TET2: variants seen among roughly 807,000 people sequenced by gnomAD.
The protein encoded by TET2 is tet methylcytosine dioxygenase 2.
Under a neutral mutation model 142.9 loss-of-function variants are expected in TET2, and 299 were observed. That is an observed-to-expected ratio of 2.09 (90% CI 1.90 to 2.30). The LOEUF (loss-of-function observed/expected upper bound fraction) is 2.30. Among genes scored for constraint, TET2 ranks in the 30% most tolerant of loss-of-function variants. The pLI, the probability that TET2 is intolerant of heterozygous loss-of-function variation, is 0.00. For synonymous variants in TET2, 819 were observed against 849.0 expected, an observed-to-expected ratio of 0.96 and a Z score of 0.61; for missense variants, 2,418 against 2,378.0, an observed-to-expected ratio of 1.02 and a Z score of -0.35.
chr4:105,194,692 T>C (rs1401020790), intron 2 of TET2, among the ~76,000 whole-genome samples: 1 of 152,184 alleles, frequency 6.6e-6, no homozygotes, highest in Admixed American at 6.5e-5. Context: ...ACCTTAGAGA[T>C]CATAATACAG....
At position 105,234,710 on chromosome 4, in the gene TET2, T is replaced by A; in HGVS notation, c.768T>A (p.Ala256=). The change falls in exon 3 of 11, where the codon GCT becomes GCA. Residue 256 remains alanine, a synonymous_variant. Transcript: ENST00000380013. ...TSHINAINSQ[A]TNELSCEITH... is the part of the protein sequence containing the mutation. ...ACATAAATGCCATTAACAGTCAGGC[T>A]ACTAATGAGTTGTCCTGTGAGATCA... The A allele has an allele frequency of 1.2e-6, 2 of 1,614,104 alleles. No homozygotes were observed. The highest frequency in any genetic ancestry group is 1.7e-6 in the Non-Finnish European group (2 of 1,180,020).
intron 7 of TET2, 26 bp downstream of exon 7, chr4:105,259,795 C>T (rs369415952): frequency 4.5e-6 from 7 of 1,542,220 alleles, no homozygotes; most frequent in African/African-American, 4.1e-5. Context: ...GATGTATAAT[C>T]GCTTTATTTT....
intron 9 of TET2, 75 bp downstream of exon 9, chr4:105,269,822 G>T (rs1348264476): frequency 6.8e-7 from 1 of 1,467,744 alleles, no homozygotes; most frequent in Non-Finnish European, 9.3e-7. Flanking sequence ...ATGCAAGACT[G>T]GGTAATTTAT....
At chr4:105,194,364 T>C (rs1020215840) in intron 2 of TET2, among the ~76,000 whole-genome samples, 2 of 152,190 alleles carry the variant, frequency 1.3e-5, no homozygotes, top group Non-Finnish European at 2.9e-5. Context: ...TACAATGTTA[T>C]CTTTTTATCT....
intron 4 of TET2, chr4:105,242,260 A>T (rs926715684): frequency 4.6e-6 from 5 of 1,086,344 alleles, no homozygotes; most frequent in Non-Finnish European, 4.5e-6. Context: ...AATTTCCCTA[A>T]GTGCCTTTTT....
At chr4:105,271,321 A>C (rs1385259521) in intron 9 of TET2, among the ~76,000 whole-genome samples, 1 of 152,212 alleles carries the variant, frequency 6.6e-6, no homozygotes, top group African/African-American at 2.4e-5. Context: ...TTAGGAGGCT[A>C]TGCTAGTTTC....
At chr4:105,246,835 A>G (rs1351457176) in intron 6 of TET2, among the ~76,000 whole-genome samples, 2 of 152,232 alleles carry the variant, frequency 1.3e-5, no homozygotes, top group East Asian at 3.8e-4. Context: ...AGTTCAGAAA[A>G]GAACTCTGAG....
intron 4 of TET2, chr4:105,242,375 C>T (rs752466007): frequency 5.6e-6 from 6 of 1,079,738 alleles, no homozygotes; most frequent in Non-Finnish European, 6.8e-6. Flanking sequence ...TTCCATGTGG[C>T]TGGATACTAA....
intron 10 of TET2, among the ~76,000 whole-genome samples, chr4:105,274,640 T>A (rs1243363485): frequency 6.6e-6 from 1 of 152,144 alleles, no homozygotes; most frequent in Non-Finnish European, 1.5e-5. Flanking sequence ...CTTTATCAGA[T>A]CTATCTTTGC....
In TET2 at chr4:105,237,038, G is replaced by A. The variant is rs1462502973; in HGVS notation, c.3096G>A (p.Leu1032=). The part of the protein sequence containing the change: ...KSIIETMEQH[L]KQFHAKSLFD... The stretch of plus-strand genomic sequence containing the variant: ...TCATTGAGACCATGGAGCAGCATCT[G>A]AAGCAGTTTCACGCCAAGTCGTTAT... Residue 1032 remains leucine (L), a synonymous_variant, in exon 3 of 11, where the codon CTG becomes CTA. Transcript: ENST00000380013. The A allele has an allele frequency of 6.2e-7, 1 of 1,614,170 alleles. No homozygotes were observed.
At chr4:105,270,489 G>A (rs1181119809) in intron 9 of TET2, among the ~76,000 whole-genome samples, 2 of 152,116 alleles carry the variant, frequency 1.3e-5, no homozygotes, top group South Asian at 2.1e-4. Flanking sequence ...ACCTTACAGA[G>A]AGAGAAGCAT....
intron 4 of TET2, chr4:105,242,413 G>T: frequency 9.2e-7 from 1 of 1,083,298 alleles, no homozygotes; most frequent in South Asian, 4.5e-5. Context: ...TTTCTAAATT[G>T]TGAGACATTC....
In TET2 at chr4:105,209,553, C is replaced by T. The variant is rs373024809; in HGVS notation, c.-47+19048C>T. ...CAACTTTCTTTTAACTAAAACAGTA[C>T]ATATACCAAGTTGGTTTGTCACAAT... On this transcript the variant is annotated intron_variant, in intron 2 of 10. Coordinates refer to ENST00000380013, the MANE Select transcript of TET2 (RefSeq NM_001127208.3). Among the ~76,000 whole-genome samples the T allele has an allele frequency of 1.4e-4, 21 of 152,156 alleles. No homozygotes were observed. In the East Asian group the frequency reaches 4.1e-3, roughly 29 times the overall value.
chr4:105,237,782 T>G, intron 3 of TET2: 1 of 1,137,162 alleles, frequency 8.8e-7, no homozygotes, highest in Non-Finnish European at 1.1e-6. Flanking sequence ...TAAAATATAT[T>G]AGTTTCACAA....
At chr4:105,241,782 C>T in intron 4 of TET2, 1 of 1,251,898 alleles carries the variant, frequency 8.0e-7, no homozygotes, top group South Asian at 4.0e-5. Context: ...AGTGTCAAAG[C>T]AGAAAGACTG....
intron 2 of TET2, among the ~76,000 whole-genome samples, chr4:105,229,452 A>G (rs1167327301): frequency 6.6e-6 from 1 of 152,146 alleles, no homozygotes; most frequent in Non-Finnish European, 1.5e-5. Context: ...CTGGGACTAC[A>G]GGCATGCGCC....
rs542944109 is a variant in TET2, at chr4:105,170,099, C to T, written c.-192-20261C>T. Among the ~76,000 whole-genome samples the T allele has an allele frequency of 9.2e-5, 14 of 152,114 alleles. No individual in the cohort carries two copies. In the East Asian group the frequency reaches 2.7e-3, roughly 29 times the overall value. The stretch of plus-strand genomic sequence containing the variant: ...CATATGAATTTTAAAATTGTTTTTC[C>T]TAATTCTGTGAAGAATGATGGTGGT... On this transcript the variant is annotated intron_variant, in intron 1 of 10. Transcript: ENST00000380013.
chr4:105,275,121 G>GCCCCAGCAGCAGCAGAGA lies in TET2; in HGVS notation c.4627_4644dup (p.Arg1543_Gln1548dup), dbSNP rs771696884. 6.4e-7 allele frequency: 1 copy of GCCCCAGCAGCAGCAGAGA among 1,551,626 alleles called. No homozygotes were observed. Among genetic ancestry groups the GCCCCAGCAGCAGCAGAGA allele is most frequent in the Admixed American group, 2.0e-5 (1 of 50,980 alleles). On this transcript the variant is annotated inframe_insertion, in exon 11 of 11. Coordinates refer to ENST00000380013, the MANE Select transcript of TET2 (RefSeq NM_001127208.3). The stretch of plus-strand genomic sequence containing the variant: ...AGCCTCTACAGAAGCAGCCACCACA[G>GCCCCAGCAGCAGCAGAGA]CCCCAGCAGCAGCAGAGACCCCAGC...
At position 105,235,966 on chromosome 4, in the gene TET2, C is replaced by A. The variant is rs1226795425; in HGVS notation, c.2024C>A (p.Ser675Ter). 6.2e-7 allele frequency: 1 copy of A among 1,614,158 alleles called. No homozygotes were observed. Residue 675 changes from serine to a stop codon, truncating the protein, a stop_gained, in exon 3 of 11, where the codon TCA (serine) becomes TAA (stop). Coordinates refer to ENST00000380013, the MANE Select transcript of TET2 (RefSeq NM_001127208.3). LOFTEE classifies it high-confidence loss of function. ...CATTTACCAAAAGCTCATGTGCAGT[C>A]ACTGTGTGGCACTAGATTTCATTTT... ...TDHLPKAHVQ[S>*]LCGTRFHFQQ...
Sources: gnomAD v4.1 joint callset for allele counts (sites outside exome capture counted in the v4.1 genomes callset) on GRCh38, gnomAD v4.1.1 for gene constraint, MANE v1.5 for transcripts, NCBI Gene and HGNC (gene_info 2026-07-23, HGNC 2026-07-21) for gene names.